DNAH5: variants seen among roughly 807,000 people sequenced by gnomAD.
DNAH5 encodes axonemal beta dynein heavy chain 5.
A neutral mutation model predicts 518.2 loss-of-function variants in DNAH5; 372 were observed. The observed-to-expected ratio is 0.72, with a 90% CI of 0.66 to 0.78. The LOEUF (loss-of-function observed/expected upper bound fraction) is 0.78, where lower values mean the gene tolerates loss of function less well. DNAH5 is among the 30% of genes least tolerant of loss of function. The probability of loss-of-function intolerance (pLI) is 0.00; values close to 1 mark genes in which losing one functional copy is unlikely to be tolerated. For missense variants in DNAH5, 5,523 were observed against 5,687.0 expected (o/e 0.97, Z 0.93); for synonymous variants, 2,039 against 2,025.9 (o/e 1.01, Z -0.17).
In DNAH5 at chr5:13,830,123, A is replaced by C. The variant is rs1425191237; in HGVS notation, c.6152T>G (p.Ile2051Ser). Residue 2051 changes from isoleucine to serine, a missense_variant, in exon 37 of 79, where the codon ATT (isoleucine) becomes AGT (serine). By Grantham distance (142) the Ile-to-Ser change is moderately radical. This residue lies in a region of DNAH5 where 5,121 missense variants were observed against 5,223.3 expected (regional missense o/e 0.98). Transcript: ENST00000265104. ...VLSVAAQQIS[I>S]ILTCKKEHKK... ...GTGCTCCTTTTTACATGTCAGAATA[A>C]TGGAAATTTGCTGGGCTGCAACCGA... 2 of 1,614,096 alleles carry C rather than the reference A, an allele frequency of 1.2e-6. No homozygotes were observed. Among genetic ancestry groups the C allele is most frequent in the Non-Finnish European group, 8.5e-7 (1 of 1,179,926 alleles).
Position 13,865,945 on chromosome 5 carries a change from A to C in DNAH5, c.4117-39T>G, listed in dbSNP as rs11958022. 0.039 allele frequency: 51,866 copies of C among 1,316,114 alleles called. 2,940 individuals carry two copies. The highest frequency in any genetic ancestry group is 0.25 in the African/African-American group (17,419 of 68,806). 81.5% of individuals were successfully genotyped at this position (1,316,114 alleles called of 1,614,324 possible). ...AAGTGAAAACGCATCAAAATGATTT[A>C]TACATGATCAACATACAAATGAAAA... On this transcript the variant is annotated intron_variant, in intron 26 of 78. Coordinates refer to ENST00000265104, the MANE Select transcript of DNAH5 (RefSeq NM_001369.3).
intron 70 of DNAH5, among the ~76,000 whole-genome samples, chr5:13,725,693 G>A (rs1386279123): frequency 6.6e-6 from 1 of 152,200 alleles, no homozygotes; most frequent in Non-Finnish European, 1.5e-5. Context: ...TCTCACCCTG[G>A]CACCTAGGCT....
rs115109673 is a variant in DNAH5, at chr5:13,820,484, A to C, written c.6703T>G (p.Leu2235Val). ...AGTTTCCAAGGAGGATGGTTGATTA[A>C]ACCAGCTTCTTCAACCTGAAAACAT... ...AISRQVEEAG[L>V]INHPPWKLKV... The change falls in exon 41 of 79, where the codon TTA becomes GTA. Residue 2235 changes from leucine (L) to valine (V), a missense_variant. Transcript: ENST00000265104. The C allele has an allele frequency of 1.6e-3, 2,649 of 1,614,046 alleles. 41 individuals carry two copies. In the African/African-American group the frequency reaches 0.032, roughly 20 times the overall value.
At chr5:13,949,014 C>T (rs1464780775), upstream of DNAH5, among the ~76,000 whole-genome samples, 2 of 152,052 alleles carry the variant, frequency 1.3e-5, no homozygotes, top group African/African-American at 2.4e-5. Context: ...AGATAGAACA[C>T]ACCAGAAAGA....
At chr5:13,974,143 C>T (rs339433) in intron 1 of DNAH5, among the ~76,000 whole-genome samples, 145,841 of 148,342 alleles carry the variant, frequency 0.98, 71,686 homozygotes, top group East Asian at 1. Flanking sequence ...CTTTTCTTTT[C>T]TTTTTTTTTT....
rs369648402 is a variant in DNAH5 at position 13,710,581 on chromosome 5, G to A, written c.13126-2246C>T. On this transcript the variant is annotated intron_variant, in intron 75 of 78. Coordinates refer to ENST00000265104, the MANE Select transcript of DNAH5 (RefSeq NM_001369.3). Reference sequence around the variant, plus strand: ...TTCTTTGAAAAGAAACAAAAAGCTGGTTCTTTGAAAAGATAAATAAAATAG... The same window carrying A: ...TTCTTTGAAAAGAAACAAAAAGCTGATTCTTTGAAAAGATAAATAAAATAG... Among the ~76,000 whole-genome samples, 13 of 152,102 alleles carry A rather than the reference G, an allele frequency of 8.5e-5. No homozygotes were observed. The East Asian group carries it at 1.3e-3, about 16-fold the overall frequency.
chr5:14,005,587 T>C (rs972744402), intron 1 of DNAH5, among the ~76,000 whole-genome samples: 2 of 152,232 alleles, frequency 1.3e-5, no homozygotes, highest in African/African-American at 2.4e-5. Flanking sequence ...AGAAAAATCT[T>C]CAAAATGCAG....
rs1290644979 is a variant in DNAH5 at position 13,737,368 on chromosome 5, C to T, written c.11339G>A (p.Ser3780Asn). ...TGTGTTACTCAGCACGACAATGAGA[C>T]TTTCATCTTCTACCAGGGACCCCTG... Reference protein sequence around the residue: ...STQGSLVEDESLIVVLSNTKR... With the variant: ...STQGSLVEDENLIVVLSNTKR... Residue 3780 changes from serine (S) to asparagine (N), a missense_variant, in exon 66 of 79, where the codon AGT becomes AAT. Ser to Asn is a conservative substitution (Grantham distance 46). Transcript: ENST00000265104. 1 of 1,614,160 alleles carries T rather than the reference C, an allele frequency of 6.2e-7. No homozygotes were observed. Among genetic ancestry groups the T allele is most frequent in the Admixed American group, 1.7e-5 (1 of 60,012 alleles).
At chr5:13,902,898 A>G (rs557502564) in intron 12 of DNAH5, among the ~76,000 whole-genome samples, 1 of 152,330 alleles carries the variant, frequency 6.6e-6, no homozygotes, top group Admixed American at 6.5e-5. Context: ...TCCAAAGCCC[A>G]GGGCCAAAAG....
intron 1 of DNAH5, among the ~76,000 whole-genome samples, chr5:13,964,658 G>T (rs1781413117): frequency 6.6e-6 from 1 of 152,190 alleles, no homozygotes; most frequent in South Asian, 2.1e-4. Flanking sequence ...CCGAGTAAAG[G>T]CCCTGAACCA....
exon 1 of DNAH5, among the ~76,000 whole-genome samples, chr5:14,011,704 G>A (rs1785148067): frequency 1.3e-5 from 2 of 152,132 alleles, no homozygotes; most frequent in Admixed American, 6.5e-5. Flanking sequence ...GCGCTCCCCC[G>A]GTGCAGGGAG....
At chr5:13,859,654 T>A in intron 29 of DNAH5, 49 bp from the exon 30 acceptor site, 1 of 1,563,862 alleles carries the variant, frequency 6.4e-7, no homozygotes. Context: ...TGTTGTGCTG[T>A]TGTTTCAAAT....
chr5:13,763,922 C>T (rs925185125), intron 59 of DNAH5, among the ~76,000 whole-genome samples: 12 of 152,304 alleles, frequency 7.9e-5, no homozygotes, highest in African/African-American at 2.4e-4. Context: ...AGTCTATTGG[C>T]AGAGTCTCAT....
At chr5:13,910,336 C>T (rs1475094820) in intron 12 of DNAH5, among the ~76,000 whole-genome samples, 1 of 152,154 alleles carries the variant, frequency 6.6e-6, no homozygotes, top group Non-Finnish European at 1.5e-5. Context: ...AGAGCACCCA[C>T]TTTATAGGAT....
chr5:13,853,763 A>C (rs1159390279), intron 30 of DNAH5, among the ~76,000 whole-genome samples: 1 of 151,932 alleles, frequency 6.6e-6, no homozygotes, highest in African/African-American at 2.4e-5. Context: ...AAGCAGAAGA[A>C]AGGATATCAG....
chr5:13,829,646 G>C lies in DNAH5; in HGVS notation c.6308C>G (p.Ser2103Ter). The C allele has an allele frequency of 6.2e-7, 1 of 1,614,194 alleles. No homozygotes were observed. The highest frequency in any genetic ancestry group is 8.5e-7 in the Non-Finnish European group (1 of 1,180,030). Residue 2103 changes from serine to a stop codon, truncating the protein, a stop_gained, in exon 38 of 79, where the codon TCA becomes TGA. Coordinates refer to ENST00000265104, the MANE Select transcript of DNAH5 (RefSeq NM_001369.3). LOFTEE classifies it high-confidence loss of function. Reference protein sequence around the residue: ...LPENLKINFRSVAMMVPDRQI... With the variant: ...LPENLKINFR ...ACGGTCAGGCACCATCATGGCCACT[G>C]AGCGGAAATTAATCTTCAAGTTTTC... is the stretch of plus-strand genomic sequence containing the variant.
chr5:13,830,562 C>A, intron 36 of DNAH5, 35 bp downstream of exon 36: 1 of 1,609,084 alleles, frequency 6.2e-7, no homozygotes, highest in East Asian at 2.2e-5. Context: ...ACCTTGGCTG[C>A]AATTTCTCAC....
At position 13,933,337 on chromosome 5, in the gene DNAH5, TA is replaced by T. The variant is rs377471643; in HGVS notation, c.58-2094del. The stretch of plus-strand genomic sequence containing the variant: ...ACCAGCAGGTGGTATGTGCATTCAA[TA>T]AATATTTGTCAAATGAATGAATAAA... On this transcript the variant is annotated intron_variant, in intron 1 of 78. Coordinates refer to ENST00000265104, the MANE Select transcript of DNAH5 (RefSeq NM_001369.3). Among the ~76,000 whole-genome samples the T allele has an allele frequency of 2.7e-3, 412 of 152,310 alleles. 2 individuals are homozygous for T. The highest frequency in any genetic ancestry group is 9.7e-3 in the African/African-American group (404 of 41,570).
chr5:13,862,442 T>C, intron 29 of DNAH5, 106 bp downstream of exon 29: 1 of 1,101,028 alleles, frequency 9.1e-7, no homozygotes, highest in Non-Finnish European at 1.3e-6. Flanking sequence ...TTTTCAACAT[T>C]GAGTAAACTA....
Sources: allele counts gnomAD v4.1 joint callset (sites outside exome capture counted in the v4.1 genomes callset), GRCh38; gene constraint gnomAD v4.1.1; regional missense constraint gnomAD v4.1.1; transcripts MANE v1.5; gene names NCBI Gene and HGNC (gene_info 2026-07-23, HGNC 2026-07-21).